Variants in PRMT3 observed in about 807,000 individuals in gnomAD.
PRMT3 encodes the protein protein arginine N-methyltransferase 3.
PRMT3 carries 62 observed loss-of-function variants against 71.9 expected under a neutral mutation model. That is an observed-to-expected ratio of 0.86 (90% CI 0.70 to 1.07). The LOEUF (loss-of-function observed/expected upper bound fraction) is 1.07, where lower values mean the gene tolerates loss of function less well. PRMT3 is among the 50% of genes least tolerant of loss of function. The pLI is 0.00. For synonymous variants in PRMT3, 213 were observed against 220.4 expected (o/e 0.97, Z 0.30); for missense variants, 663 against 643.0 (o/e 1.03, Z -0.34).
At chr11:20,501,132 A>C (rs1013307782) in intron 15 of PRMT3, among the ~76,000 whole-genome samples, 4 of 152,136 alleles carry the variant, frequency 2.6e-5, no homozygotes, top group African/African-American at 9.7e-5. Flanking sequence ...CCTTCATGAC[A>C]TAGCTAATTT....
chr11:20,408,183 A>G, intron 9 of PRMT3, 151 bp downstream of exon 9: 1 of 474,832 alleles, frequency 2.1e-6, no homozygotes, highest in Non-Finnish European at 3.5e-6. Flanking sequence ...TTTAAGTTGA[A>G]TTGAGCTAGA....
At chr11:20,461,112 T>G (rs1850372460) in intron 11 of PRMT3, among the ~76,000 whole-genome samples, 1 of 152,254 alleles carries the variant, frequency 6.6e-6, no homozygotes, top group African/African-American at 2.4e-5. Context: ...ATGTAGTCTT[T>G]GGTCTCTACT....
chr11:20,503,922 A>G (rs546353157), intron 15 of PRMT3, among the ~76,000 whole-genome samples: 10 of 152,326 alleles, frequency 6.6e-5, no homozygotes, highest in Admixed American at 2.0e-4. Context: ...AAAAATGACT[A>G]TGCTATCTAA....
intron 9 of PRMT3, among the ~76,000 whole-genome samples, chr11:20,426,447 A>G (rs1849548321): frequency 6.6e-6 from 1 of 152,172 alleles, no homozygotes. Context: ...TATATGTCTT[A>G]TATGTCTGTC....
chr11:20,491,501 C>T (rs1851205391), intron 13 of PRMT3, among the ~76,000 whole-genome samples: 1 of 152,154 alleles, frequency 6.6e-6, no homozygotes, highest in Admixed American at 6.5e-5. Flanking sequence ...AAAATCAGAC[C>T]ATAAGTTCTG....
At chr11:20,418,400 T>G (rs971696209) in intron 9 of PRMT3, among the ~76,000 whole-genome samples, 2 of 152,196 alleles carry the variant, frequency 1.3e-5, no homozygotes, top group African/African-American at 4.8e-5. Context: ...GTCAGTGATA[T>G]CTGTTTTAAT....
chr11:20,426,888 A>G (rs1849558912), intron 10 of PRMT3, 23 bp downstream of exon 10: 9 of 1,509,798 alleles, frequency 6.0e-6, no homozygotes, highest in Middle Eastern at 1.7e-4. Flanking sequence ...AGAAAAAACT[A>G]CTTTCACTGG....
intron 15 of PRMT3, among the ~76,000 whole-genome samples, chr11:20,505,745 TCTTC>T (rs1851575561): frequency 6.6e-6 from 1 of 152,156 alleles, no homozygotes; most frequent in Non-Finnish European, 1.5e-5. Flanking sequence ...ATCTTTTATT[TCTTC>T]CTTAGGTTAA....
intron 10 of PRMT3, among the ~76,000 whole-genome samples, chr11:20,437,738 C>T (rs558071384): frequency 2.0e-5 from 3 of 152,188 alleles, no homozygotes; most frequent in Middle Eastern, 3.4e-3. Context: ...TACAAGCACT[C>T]GCCACCATGC....
At chr11:20,441,047 A>G (rs936994163) in intron 10 of PRMT3, among the ~76,000 whole-genome samples, 7 of 151,948 alleles carry the variant, frequency 4.6e-5, no homozygotes, top group African/African-American at 1.2e-4. Flanking sequence ...GTAGTCCTCA[A>G]TATAACATCT....
At chr11:20,404,777 T>C (rs1849035543) in intron 8 of PRMT3, among the ~76,000 whole-genome samples, 1 of 152,242 alleles carries the variant, frequency 6.6e-6, no homozygotes, top group South Asian at 2.1e-4. Context: ...GTGGTGAATC[T>C]CTTTGGGCCT....
chr11:20,458,709 A>G (rs1850320273), intron 11 of PRMT3, among the ~76,000 whole-genome samples: 1 of 152,194 alleles, frequency 6.6e-6, no homozygotes, highest in Non-Finnish European at 1.5e-5. Context: ...ATATTCATAG[A>G]TCTTACTAAC....
At chr11:20,422,446 C>G (rs746820217) in intron 9 of PRMT3, among the ~76,000 whole-genome samples, 1 of 152,132 alleles carries the variant, frequency 6.6e-6, no homozygotes, top group African/African-American at 2.4e-5. Flanking sequence ...AGAAGTCTTT[C>G]AGTGAGGAAA....
intron 9 of PRMT3, 53 bp from the exon 10 acceptor site, chr11:20,426,713 A>G: frequency 7.4e-7 from 1 of 1,354,724 alleles, no homozygotes; most frequent in Non-Finnish European, 9.5e-7. Context: ...ATGTAATTTA[A>G]CTAGCTTTCA....
intron 13 of PRMT3, among the ~76,000 whole-genome samples, chr11:20,487,375 T>C (rs1396872288): frequency 6.6e-6 from 1 of 152,200 alleles, no homozygotes; most frequent in Non-Finnish European, 1.5e-5. Context: ...CTTACGGCCA[T>C]GAAAATGAAT....
Position 20,391,605 on chromosome 11 carries a change from TG to T in PRMT3, c.248-605del, listed in dbSNP as rs199819078. Among the ~76,000 whole-genome samples, 1,050 of 152,244 alleles carry T rather than the reference TG, an allele frequency of 6.9e-3. 15 individuals carry two copies. The highest frequency in any genetic ancestry group is 0.024 in the African/African-American group (998 of 41,534). On this transcript the variant is annotated intron_variant, in intron 3 of 15. Transcript: ENST00000331079. ...TCATACTTAAGATAGAATTTTGTTT[TG>T]TTTTTTTTTTACTTACCGATATAGG...
Position 20,389,759 on chromosome 11 carries a change from T to C in PRMT3, c.180T>C (p.Ala60=). Residue 60 remains alanine, a synonymous_variant, in exon 3 of 16, where the codon GCT becomes GCC. Transcript: ENST00000331079. ...GATTTTTCAGGTTATTCACATCTGC[T>C]GAAGAAACATTTTCACACTGTAAGT... ...CLFCNRLFTS[A]EETFSHCKSE... The C allele has an allele frequency of 6.2e-7, 1 of 1,610,776 alleles. No individual in the cohort carries two copies.
Position 20,392,940 on chromosome 11 carries a change from C to T in PRMT3, c.341C>T (p.Pro114Leu). Residue 114 changes from proline to leucine, a missense_variant, in exon 5 of 16, where the codon CCT (proline) becomes CTT (leucine). Pro to Leu is a moderately conservative substitution (Grantham distance 98). Transcript: ENST00000331079. ...EYMNSIYNPV[P>L]WEKEEYLKPV... ...ATGAATTCCATATACAACCCAGTGC[C>T]TTGGGAGAAAGAAGAGTATTTGAAG... 2 of 1,607,042 alleles carry T rather than the reference C, an allele frequency of 1.2e-6. No individual in the cohort carries two copies. Among genetic ancestry groups the T allele is most frequent in the Non-Finnish European group, 1.7e-6 (2 of 1,173,700 alleles).
chr11:20,493,967 A>G lies in PRMT3; in HGVS notation c.1396A>G (p.Arg466Gly), dbSNP rs1255078267. Reference sequence around the variant, plus strand: ...ATATTTTGAGAAGAATTGCCACAACAGGGTAAGTATCATGAATTATCTCAT... The same window carrying G: ...ATATTTTGAGAAGAATTGCCACAACGGGGTAAGTATCATGAATTATCTCAT... ...DIYFEKNCHN[R>G]VVFSTGPQST... The change falls in exon 14 of 16, where the codon AGG becomes GGG. Residue 466 changes from arginine (R) to glycine (G), a missense_variant and splice_region_variant. Arg to Gly is a moderately radical substitution (Grantham distance 125). Transcript: ENST00000331079. 5 of 1,587,060 alleles carry G rather than the reference A, an allele frequency of 3.2e-6. No homozygotes were observed. The highest frequency in any genetic ancestry group is 4.3e-6 in the Non-Finnish European group (5 of 1,160,362).
Sources: gnomAD v4.1 joint callset for allele counts (sites outside exome capture counted in the v4.1 genomes callset) on GRCh38, gnomAD v4.1.1 for gene constraint, MANE v1.5 for transcripts, NCBI Gene and HGNC (gene_info 2026-07-23, HGNC 2026-07-21) for gene names.